The following GLIS3 variants were observed in gnomAD, a reference collection of about 807,000 sequenced individuals.
GLIS3 encodes zinc finger protein GLIS3.
GLIS3 carries 53 observed loss-of-function variants against 78.6 expected under a neutral mutation model. The observed-to-expected ratio is 0.67, with a 90% CI of 0.54 to 0.85. GLIS3 has a LOEUF of 0.85. Ranked by LOEUF, GLIS3 falls within the 40% of genes least tolerant of loss-of-function variation. GLIS3 has a pLI of 0.00. For missense variants in GLIS3, 1,703 were observed against 1,231.1 expected (o/e 1.38, Z -5.74); for synonymous variants, 684 against 509.9 (o/e 1.34, Z -4.60).
intron 2 of GLIS3, among the ~76,000 whole-genome samples, chr9:4,227,430 G>T (rs538492247): frequency 7.4e-4 from 112 of 152,220 alleles, no homozygotes; most frequent in Admixed American, 2.0e-3. Context: ...CTTTCAGATT[G>T]TATTGATCTC....
intron 2 of GLIS3, among the ~76,000 whole-genome samples, chr9:4,168,930 A>G (rs1816122651): frequency 1.3e-5 from 2 of 152,228 alleles, no homozygotes; most frequent in Non-Finnish European, 2.9e-5. Context: ...CATTATGCAA[A>G]TCGTGGCAGC....
At chr9:4,437,365 T>C in the GLIS3 span, among the ~76,000 whole-genome samples, 1 of 152,234 alleles carries the variant, frequency 6.6e-6, no homozygotes, top group Admixed American at 6.5e-5. Flanking sequence ...TTATTCTTTT[T>C]ACATATTCAT....
chr9:4,433,453 T>C, the GLIS3 span, among the ~76,000 whole-genome samples: 1 of 151,918 alleles, frequency 6.6e-6, no homozygotes, highest in Admixed American at 6.6e-5. Flanking sequence ...TATAAATAAA[T>C]AAATAAAATG....
the GLIS3 span, among the ~76,000 whole-genome samples, chr9:4,483,743 A>G: frequency 9.4e-5 from 14 of 148,772 alleles, no homozygotes; most frequent in African/African-American, 3.5e-4. Flanking sequence ...AAAAAAAAAG[A>G]GGTGTTGGTT....
intron 2 of GLIS3, among the ~76,000 whole-genome samples, chr9:4,161,972 C>T (rs992708117): frequency 3.3e-5 from 5 of 152,082 alleles, no homozygotes; most frequent in African/African-American, 1.2e-4. Context: ...AGGCGTGAGC[C>T]ACTGCACCCA....
chr9:4,356,842 T>C, the GLIS3 span, among the ~76,000 whole-genome samples: 34 of 152,274 alleles, frequency 2.2e-4, no homozygotes, highest in African/African-American at 7.9e-4. Context: ...TGCCCACCAA[T>C]GTTTGCAAGA....
upstream of GLIS3, among the ~76,000 whole-genome samples, chr9:4,348,772 T>TG (rs1251639930): frequency 2.7e-5 from 4 of 150,836 alleles, no homozygotes; most frequent in Non-Finnish European, 5.9e-5. Flanking sequence ...TGCTCCTAAG[T>TG]GAAAAAAAAA....
intron 4 of GLIS3, among the ~76,000 whole-genome samples, chr9:4,010,000 G>A (rs1465298994): frequency 1.3e-5 from 2 of 152,178 alleles, no homozygotes; most frequent in African/African-American, 4.8e-5. Flanking sequence ...CGTCAGCACT[G>A]TTGACATTTT....
chr9:4,216,693 G>C (rs1355156817), intron 2 of GLIS3, among the ~76,000 whole-genome samples: 2 of 152,044 alleles, frequency 1.3e-5, no homozygotes, highest in Non-Finnish European at 2.9e-5. Context: ...ATGCCTTCCA[G>C]TGCACTCAAA....
chr9:4,250,127 G>C (rs1420293947), intron 2 of GLIS3, among the ~76,000 whole-genome samples: 1 of 152,176 alleles, frequency 6.6e-6, no homozygotes, highest in Non-Finnish European at 1.5e-5. Context: ...GATGATGCTG[G>C]CCTCATAAAA....
chr9:4,108,428 A>C (rs1830943765), intron 4 of GLIS3, among the ~76,000 whole-genome samples: 1 of 152,212 alleles, frequency 6.6e-6, no homozygotes, highest in South Asian at 2.1e-4. Flanking sequence ...AGAAGGTAGT[A>C]GGGGTCACCA....
chr9:4,351,538 C>G (rs1385800359), upstream of GLIS3, among the ~76,000 whole-genome samples: 1 of 151,958 alleles, frequency 6.6e-6, no homozygotes, highest in African/African-American at 2.4e-5. Context: ...CTTTATTACT[C>G]AATTTATCAC....
At chr9:4,240,459 T>C (rs544835643) in intron 2 of GLIS3, among the ~76,000 whole-genome samples, 4 of 152,202 alleles carry the variant, frequency 2.6e-5, no homozygotes, top group Admixed American at 6.5e-5. Context: ...GGTCTGGGGA[T>C]TGGGAACCCC....
chr9:4,255,570 A>G (rs913082937), intron 2 of GLIS3, among the ~76,000 whole-genome samples: 1 of 152,266 alleles, frequency 6.6e-6, no homozygotes, highest in Non-Finnish European at 1.5e-5. Context: ...CAAGATATGT[A>G]GAAAACTTAA....
intron 4 of GLIS3, among the ~76,000 whole-genome samples, chr9:3,954,132 G>T (rs373284744): frequency 1.3e-5 from 2 of 152,018 alleles, no homozygotes; most frequent in African/African-American, 2.4e-5. Flanking sequence ...ATATTCCAGG[G>T]TCTCAATTTA....
At chr9:4,082,363 G>A (rs1294016633) in intron 4 of GLIS3, among the ~76,000 whole-genome samples, 2 of 152,176 alleles carry the variant, frequency 1.3e-5, no homozygotes, top group East Asian at 1.9e-4. Context: ...GAAGGAAAGG[G>A]AAATAAAATG....
chr9:4,356,252 C>G, the GLIS3 span, among the ~76,000 whole-genome samples: 1 of 152,162 alleles, frequency 6.6e-6, no homozygotes, highest in East Asian at 1.9e-4. Flanking sequence ...GCAGCAGAGC[C>G]GGAGAGACTG....
chr9:4,137,645 T>A (rs1833497172), intron 2 of GLIS3, among the ~76,000 whole-genome samples: 1 of 152,142 alleles, frequency 6.6e-6, no homozygotes, highest in African/African-American at 2.4e-5. Context: ...AAAGATAAAT[T>A]AAGCAATATT....
At chr9:4,388,267 G>A in the GLIS3 span, among the ~76,000 whole-genome samples, 2 of 152,268 alleles carry the variant, frequency 1.3e-5, no homozygotes, top group East Asian at 3.9e-4. Flanking sequence ...AGAGTTTCAT[G>A]ATAATAGAAG....
Sources: gnomAD v4.1 joint callset for allele counts (sites outside exome capture counted in the v4.1 genomes callset) on GRCh38, gnomAD v4.1.1 for gene constraint, MANE v1.5 for transcripts, NCBI Gene and HGNC (gene_info 2026-07-23, HGNC 2026-07-21) for gene names.